SESN3: variants seen among roughly 807,000 people sequenced by gnomAD.
SESN3 encodes sestrin-3.
A neutral mutation model predicts 55.3 loss-of-function variants in SESN3; 21 were observed. The ratio of observed to expected loss-of-function variants is 0.38; its 90% CI spans 0.27 to 0.55. The LOEUF is 0.55. Among genes scored for constraint, SESN3 ranks in the 20% least tolerant of loss-of-function variants. The probability of loss-of-function intolerance (pLI) is 0.76; values close to 1 mark genes in which losing one functional copy is unlikely to be tolerated. For missense variants in SESN3, 408 were observed against 604.3 expected (o/e 0.68, Z 3.41); for synonymous variants, 181 against 203.1 (o/e 0.89, Z 0.93).
At chr11:95,189,252 G>A (rs1052108972) in intron 4 of SESN3, among the ~76,000 whole-genome samples, 2 of 151,844 alleles carry the variant, frequency 1.3e-5, no homozygotes, top group African/African-American at 4.8e-5. Context: ...AGTCAATCAC[G>A]ACAACTCTAT....
At chr11:95,197,872 A>G (rs1246637847) in intron 1 of SESN3, among the ~76,000 whole-genome samples, 1 of 152,158 alleles carries the variant, frequency 6.6e-6, no homozygotes, top group Non-Finnish European at 1.5e-5. Context: ...AGAACTCGCT[A>G]GCTCTTCTCC....
chr11:95,202,292 G>C (rs1465715830), intron 1 of SESN3, among the ~76,000 whole-genome samples: 2 of 151,880 alleles, frequency 1.3e-5, no homozygotes, highest in African/African-American at 4.8e-5. Flanking sequence ...CTGGCTGTAG[G>C]CTCTTTCATC....
At chr11:95,198,268 T>TA (rs1398575259) in intron 1 of SESN3, among the ~76,000 whole-genome samples, 3 of 151,562 alleles carry the variant, frequency 2.0e-5, no homozygotes, top group Admixed American at 2.0e-4. Flanking sequence ...TTTGAGAAGA[T>TA]ACCGCATAAA....
Position 95,178,716 on chromosome 11 carries a change from T to C in SESN3, c.1050A>G (p.Arg350=). ...AATTAAAGACATATTATACCTGAGC[T>C]CGGAATGTTGGCAAATGCTCTTCTC... is the stretch of plus-strand genomic sequence containing the variant. ...RRGEEHLPTF[R]AQDYTWENHG... is the part of the protein sequence containing the mutation. The change falls in exon 7 of 10, where the codon CGA becomes CGG. Residue 350 remains arginine (R), a synonymous_variant. Transcript: ENST00000536441. The C allele has an allele frequency of 6.3e-7, 1 of 1,589,358 alleles. No homozygotes were observed. Among genetic ancestry groups the C allele is most frequent in the Non-Finnish European group, 8.6e-7 (1 of 1,157,518 alleles).
Position 95,177,733 on chromosome 11 carries a change from A to G in SESN3, c.1233T>C (p.Cys411=). ...AATGAACATACCTGATTCCAAACAT[A>G]CAGTGAACATAGTTAAATAAAGCTC... is the stretch of plus-strand genomic sequence containing the variant. The part of the protein sequence containing the change: ...LRRALFNYVH[C]MFGIRYDDYD... The change falls in exon 8 of 10, where the codon TGT becomes TGC. Residue 411 remains cysteine (C), a synonymous_variant. Coordinates refer to ENST00000536441, the MANE Select transcript of SESN3 (RefSeq NM_144665.4). The G allele has an allele frequency of 6.2e-7, 1 of 1,607,644 alleles. No homozygotes were observed. The highest frequency in any genetic ancestry group is 8.5e-7 in the Non-Finnish European group (1 of 1,177,942).
intron 1 of SESN3, among the ~76,000 whole-genome samples, chr11:95,219,310 ATT>A (rs1057004250): frequency 2.6e-5 from 4 of 152,184 alleles, no homozygotes; most frequent in Admixed American, 2.0e-4. Context: ...AATGCCTTTT[ATT>A]TTTATTAGTT....
intron 1 of SESN3, among the ~76,000 whole-genome samples, chr11:95,199,068 T>A (rs769683632): frequency 1.4e-4 from 22 of 152,054 alleles, no homozygotes; most frequent in Non-Finnish European, 2.6e-4. Context: ...AACTTTGAAA[T>A]CACTAACTAA....
At chr11:95,184,160 C>T (rs114109142) in intron 6 of SESN3, 139 of 447,968 alleles carry the variant, frequency 3.1e-4, no homozygotes, top group African/African-American at 2.7e-3. Context: ...TTATAAGTAA[C>T]TGATCTGCTT....
intron 4 of SESN3, among the ~76,000 whole-genome samples, chr11:95,187,246 A>C (rs1197585814): frequency 6.6e-6 from 1 of 151,860 alleles, no homozygotes; most frequent in African/African-American, 2.4e-5. Flanking sequence ...TTTTAGAACA[A>C]AGTGTATTAA....
chr11:95,229,702 A>G lies in SESN3; in HGVS notation c.78+1081T>C, dbSNP rs564766590. Among the ~76,000 whole-genome samples the G allele has an allele frequency of 2.0e-5, 3 of 152,304 alleles. No individual in the cohort carries two copies. In the South Asian group the frequency reaches 6.2e-4, roughly 32 times the overall value. On this transcript the variant is annotated intron_variant, in intron 1 of 9. Transcript: ENST00000536441. ...TTTAAAAAAAAATGTAGAAAGAACAATCCCAAAGTGAACCGTATTTAGAGA... is the reference window on the plus strand; with the variant it reads ...TTTAAAAAAAAATGTAGAAAGAACAGTCCCAAAGTGAACCGTATTTAGAGA...
chr11:95,168,336 G>A lies in SESN3; in HGVS notation c.*4919C>T, dbSNP rs1230996908. ...CATAACCTAATACAAATCCAAGTTA[G>A]GATGGCAATTCAATCACTTTAAAAT... On this transcript the variant is annotated 3_prime_UTR_variant, in exon 10 of 10. Transcript: ENST00000536441. 3.3e-5 allele frequency: 5 copies of A among 152,166 alleles called. No individual in the cohort carries two copies. Among genetic ancestry groups the A allele is most frequent in the Admixed American group, 1.3e-4 (2 of 15,268 alleles). The allele number at this position is 152,166 out of a possible 1,614,324, so 9.4% of individuals were successfully genotyped here. A position where few individuals can be genotyped will look rare whatever the true frequency, so the allele number is the denominator to read the frequency against.
At position 95,165,664 on chromosome 11, in the gene SESN3, G is replaced by A. The variant is rs1246693890; in HGVS notation, c.*7591C>T. 2.0e-5 allele frequency: 3 copies of A among 152,120 alleles called. No homozygotes were observed. The highest frequency in any genetic ancestry group is 4.4e-5 in the Non-Finnish European group (3 of 68,008). The allele number at this position is 152,120 out of a possible 1,614,324, so 9.4% of individuals were successfully genotyped here. On this transcript the variant is annotated 3_prime_UTR_variant, in exon 10 of 10. Coordinates refer to ENST00000536441, the MANE Select transcript of SESN3 (RefSeq NM_144665.4). ...ACCCATTGTTCTGTACCTATAAATA[G>A]ATTTTCAAAATGTCATAAAAAGTGC...
rs529552730 is a variant in SESN3 at position 95,166,512 on chromosome 11, G to C, written c.*6743C>G. On this transcript the variant is annotated 3_prime_UTR_variant, in exon 10 of 10. Coordinates refer to ENST00000536441, the MANE Select transcript of SESN3 (RefSeq NM_144665.4). ...TGATTTCATGTGCAATTCAGCTACA[G>C]TCTTAATATATACATTCATTATGTA... 2 of 152,354 alleles carry C rather than the reference G, an allele frequency of 1.3e-5. No individual in the cohort carries two copies. The highest frequency in any genetic ancestry group is 4.8e-5 in the African/African-American group (2 of 41,584). 9.4% of individuals were successfully genotyped at this position (152,354 alleles called of 1,614,324 possible).
intron 1 of SESN3, among the ~76,000 whole-genome samples, chr11:95,219,761 T>TTC (rs1438559859): frequency 6.6e-6 from 1 of 151,910 alleles, no homozygotes; most frequent in East Asian, 1.9e-4. Context: ...AAAAATATTT[T>TTC]TTTTTTTGCC....
At position 95,177,867 on chromosome 11, in the gene SESN3, G is replaced by C. The variant is rs934916798; in HGVS notation, c.1099C>G (p.Leu367Val). Residue 367 changes from leucine to valine, a missense_variant, in exon 8 of 10, where the codon CTT becomes GTT. Coordinates refer to ENST00000536441, the MANE Select transcript of SESN3 (RefSeq NM_144665.4). The part of the protein sequence containing the change: ...ENHGFSLVNR[L>V]YSDIGHLLDE... The stretch of plus-strand genomic sequence containing the variant: ...AGAAGATGTCCAATGTCAGAATAAA[G>C]TCTGTTCACCAGGGAGAACCCATGA... 1 of 1,603,434 alleles carries C rather than the reference G, an allele frequency of 6.2e-7. No homozygotes were observed. Among genetic ancestry groups the C allele is most frequent in the Non-Finnish European group, 8.5e-7 (1 of 1,176,322 alleles).
Position 95,230,698 on chromosome 11 carries a change from C to A in SESN3, c.78+85G>T. 1.0e-6 allele frequency: 1 copy of A among 971,176 alleles called. No homozygotes were observed. The highest frequency in any genetic ancestry group is 1.6e-6 in the Non-Finnish European group (1 of 634,252). 60.2% of individuals were successfully genotyped at this position (971,176 alleles called of 1,614,324 possible). A position where few individuals can be genotyped will look rare whatever the true frequency, so the allele number is the denominator to read the frequency against. ...GCCCGGGGATCCCTCTCAGCCTCCC[C>A]CAGTGCGCGCCCGGGGACGAGCCGC... On this transcript the variant is annotated intron_variant, in intron 1 of 9. Coordinates refer to ENST00000536441, the MANE Select transcript of SESN3 (RefSeq NM_144665.4). This position sits in a 1 kb window ranked among gnomAD's most constrained non-coding sequence, Gnocchi z 4.6.
At chr11:95,208,427 A>AT (rs1488905164) in intron 1 of SESN3, among the ~76,000 whole-genome samples, 4 of 151,454 alleles carry the variant, frequency 2.6e-5, no homozygotes, top group Admixed American at 2.0e-4. Flanking sequence ...CAAAAAATAC[A>AT]TTTTTTTCTA....
chr11:95,194,937 A>C (rs1489774068), intron 1 of SESN3, among the ~76,000 whole-genome samples: 3 of 152,146 alleles, frequency 2.0e-5, no homozygotes, highest in African/African-American at 4.8e-5. Flanking sequence ...AAACCACCAC[A>C]ACAACAAACT....
chr11:95,186,194 C>CTGTGTGTGTGTGTGTG (rs35466696), intron 4 of SESN3, among the ~76,000 whole-genome samples: 4,639 of 107,460 alleles, frequency 0.043, 176 homozygotes, highest in East Asian at 0.058. Flanking sequence ...CTATCTCTCA[C>CTGTGTGTGTGTGTGTG]TGTGTGTGTG....
Sources: allele counts gnomAD v4.1 joint callset (sites outside exome capture counted in the v4.1 genomes callset), GRCh38; gene constraint gnomAD v4.1.1; non-coding constraint Gnocchi (gnomAD v3.1); transcripts MANE v1.5; gene names NCBI Gene and HGNC (gene_info 2026-07-23, HGNC 2026-07-21).